PARD3: variants seen among roughly 807,000 people sequenced by gnomAD.
The protein encoded by PARD3 is par-3 family cell polarity regulator.
Under a neutral mutation model 155.4 loss-of-function variants are expected in PARD3, and 75 were observed. That is an observed-to-expected ratio of 0.48 (90% CI 0.40 to 0.58). The LOEUF is 0.58. Among genes scored for constraint, PARD3 ranks in the 20% least tolerant of loss-of-function variants. The probability of loss-of-function intolerance (pLI) is 0.00; values close to 1 mark genes in which losing one functional copy is unlikely to be tolerated. For synonymous variants in PARD3, 576 were observed against 610.5 expected (o/e 0.94, Z 0.83); for missense variants, 1,642 against 1,721.7 (o/e 0.95, Z 0.82).
chr10:34,613,995 T>C (rs1331485410), intron 2 of PARD3, among the ~76,000 whole-genome samples: 1 of 152,158 alleles, frequency 6.6e-6, no homozygotes. Context: ...GCTATCCTTA[T>C]AGGAAAAGTT....
At chr10:34,416,755 A>C (rs1845716552) in intron 5 of PARD3, among the ~76,000 whole-genome samples, 1 of 152,246 alleles carries the variant, frequency 6.6e-6, no homozygotes, top group African/African-American at 2.4e-5. Context: ...GGTGGCTGCA[A>C]ATAAAATAAT....
chr10:34,227,884 A>ATATATATATATATATATAT (rs1952704039), intron 22 of PARD3, among the ~76,000 whole-genome samples: 1 of 124,956 alleles, frequency 8.0e-6, no homozygotes, highest in Non-Finnish European at 1.7e-5. Context: ...ATATATATAT[A>ATATATATATATATATATAT]CTGGGAATAT....
intron 14 of PARD3, among the ~76,000 whole-genome samples, chr10:34,356,387 G>T (rs926576226): frequency 6.6e-6 from 1 of 152,074 alleles, no homozygotes; most frequent in African/African-American, 2.4e-5. Flanking sequence ...GAAAAATAAA[G>T]AAGACATATT....
intron 4 of PARD3, among the ~76,000 whole-genome samples, chr10:34,454,432 TAAATAATTGTTA>T (rs1268905962): frequency 6.6e-6 from 1 of 152,194 alleles, no homozygotes; most frequent in Non-Finnish European, 1.5e-5. Context: ...TGCTTTAGCA[TAAATAATTGTTA>T]AAATATGGCA....
intron 1 of PARD3, among the ~76,000 whole-genome samples, chr10:34,796,092 T>C (rs908309412): frequency 2.0e-5 from 3 of 152,200 alleles, no homozygotes; most frequent in Admixed American, 6.5e-5. Context: ...ATTCCCATGC[T>C]AATCTAAGTT....
intron 2 of PARD3, among the ~76,000 whole-genome samples, chr10:34,593,304 T>C (rs917991753): frequency 3.3e-5 from 5 of 152,222 alleles, no homozygotes; most frequent in Admixed American, 1.3e-4. Flanking sequence ...TGTCTACATA[T>C]ATATGCATAT....
At chr10:34,758,447 C>T (rs1837020430) in intron 1 of PARD3, among the ~76,000 whole-genome samples, 1 of 152,144 alleles carries the variant, frequency 6.6e-6, no homozygotes, top group South Asian at 2.1e-4. Flanking sequence ...CCACACTATG[C>T]CTCATAACCA....
At chr10:34,525,282 T>C (rs78737554) in intron 2 of PARD3, among the ~76,000 whole-genome samples, 2,016 of 152,326 alleles carry the variant, frequency 0.013, 45 homozygotes, top group African/African-American at 0.045. Context: ...GAAGGGTATA[T>C]ACTGTCTGAT....
At chr10:34,225,222 T>C (rs555308364) in intron 22 of PARD3, among the ~76,000 whole-genome samples, 20 of 152,064 alleles carry the variant, frequency 1.3e-4, no homozygotes, top group African/African-American at 4.3e-4. Flanking sequence ...CAGAGATAAG[T>C]AGGAGGAAGC....
At chr10:34,397,250 C>T (rs1254090490) in intron 7 of PARD3, among the ~76,000 whole-genome samples, 1 of 152,152 alleles carries the variant, frequency 6.6e-6, no homozygotes, top group Admixed American at 6.6e-5. Context: ...TTTTTCTCTC[C>T]CATTGTTAAC....
chr10:34,321,019 AG>A (rs1958339926), intron 19 of PARD3, among the ~76,000 whole-genome samples: 2 of 152,226 alleles, frequency 1.3e-5, no homozygotes, highest in Non-Finnish European at 2.9e-5. Context: ...TATTTGATAG[AG>A]AAAAATCTTT....
At chr10:34,375,397 G>C (rs757447847) in intron 10 of PARD3, among the ~76,000 whole-genome samples, 2 of 152,018 alleles carry the variant, frequency 1.3e-5, no homozygotes, top group African/African-American at 4.8e-5. Context: ...AAATAAAAAG[G>C]TGTTGCTCTT....
At chr10:34,423,033 CTT>C (rs1283788462) in intron 5 of PARD3, among the ~76,000 whole-genome samples, 1 of 152,108 alleles carries the variant, frequency 6.6e-6, no homozygotes, top group Non-Finnish European at 1.5e-5. Flanking sequence ...ATCAACCTAT[CTT>C]GTTGTTTATC....
intron 22 of PARD3, among the ~76,000 whole-genome samples, chr10:34,238,549 G>C (rs916141485): frequency 2.0e-5 from 3 of 152,044 alleles, no homozygotes; most frequent in African/African-American, 7.2e-5. Flanking sequence ...GAAGCTGGTA[G>C]CCAACAATCG....
chr10:34,151,764 G>C (rs1429743029), intron 22 of PARD3, among the ~76,000 whole-genome samples: 1 of 152,182 alleles, frequency 6.6e-6, no homozygotes, highest in Non-Finnish European at 1.5e-5. Flanking sequence ...TATAATTGGA[G>C]GTTATGTTTC....
chr10:34,426,251 C>A (rs1016894921), intron 5 of PARD3, among the ~76,000 whole-genome samples: 1 of 152,080 alleles, frequency 6.6e-6, no homozygotes, highest in African/African-American at 2.4e-5. Flanking sequence ...CCTGCTTTAC[C>A]TACAAGATCA....
intron 2 of PARD3, among the ~76,000 whole-genome samples, chr10:34,654,005 C>T (rs1564465204): frequency 6.6e-6 from 1 of 152,050 alleles, no homozygotes; most frequent in African/African-American, 2.4e-5. Context: ...CATGCTTATA[C>T]GTTGCTTCAC....
At chr10:34,684,159 C>T (rs79309106) in intron 2 of PARD3, among the ~76,000 whole-genome samples, 2,908 of 152,126 alleles carry the variant, frequency 0.019, 86 homozygotes, top group African/African-American at 0.066. Context: ...ATAACTAAAC[C>T]TAATGCTTCT....
Position 34,441,217 on chromosome 10 carries a change from T to A in PARD3, c.714+9100A>T, listed in dbSNP as rs565928754. On this transcript the variant is annotated intron_variant, in intron 5 of 24. Coordinates refer to ENST00000374788, the MANE Select transcript of PARD3 (RefSeq NM_001184785.2). ...TTTAAGAAAACGAGATACCCAATAC[T>A]TGAGGGAGTTGTTGAGGTATAACCA... Among the ~76,000 whole-genome samples, 105 of 152,154 alleles carry A rather than the reference T, an allele frequency of 6.9e-4. 1 individual carries two copies. Among genetic ancestry groups the A allele is most frequent in the South Asian group, 6.6e-3 (32 of 4,818 alleles).
Sources: allele counts gnomAD v4.1 joint callset (sites outside exome capture counted in the v4.1 genomes callset), GRCh38; gene constraint gnomAD v4.1.1; transcripts MANE v1.5; gene names NCBI Gene and HGNC (gene_info 2026-07-23, HGNC 2026-07-21).